Variants in CADM2 observed in about 807,000 individuals in gnomAD.
CADM2 encodes the protein cell adhesion molecule 2.
CADM2 carries 12 observed loss-of-function variants against 49.8 expected under a neutral mutation model. The ratio of observed to expected loss-of-function variants is 0.24; its 90% CI spans 0.15 to 0.39. The LOEUF is 0.39. Ranked by LOEUF, CADM2 falls within the 10% of genes least tolerant of loss-of-function variation. CADM2 has a pLI of 1.00. For synonymous variants in CADM2, 214 were observed against 175.4 expected (o/e 1.22, Z -1.74); for missense variants, 378 against 492.3 (o/e 0.77, Z 2.20).
intron 1 of CADM2, among the ~76,000 whole-genome samples, chr3:85,188,583 T>C (rs1323195049): frequency 1.3e-5 from 2 of 152,144 alleles, no homozygotes; most frequent in Admixed American, 6.6e-5. Flanking sequence ...AAGTTGTTTT[T>C]TTTCATATTT....
At chr3:85,072,516 A>G (rs1265810761) in intron 1 of CADM2, among the ~76,000 whole-genome samples, 1 of 152,112 alleles carries the variant, frequency 6.6e-6, no homozygotes, top group East Asian at 1.9e-4. Flanking sequence ...AGAGGAGGTC[A>G]TGTGCCAAAG....
intron 1 of CADM2, among the ~76,000 whole-genome samples, chr3:85,647,792 C>T (rs896918354): frequency 3.3e-5 from 5 of 151,670 alleles, no homozygotes; most frequent in African/African-American, 7.3e-5. Context: ...TACAAAACCA[C>T]GTAGATATCC....
chr3:85,327,572 ACACACACACACACACAC>A (rs1307562644), intron 1 of CADM2, among the ~76,000 whole-genome samples: 2 of 145,084 alleles, frequency 1.4e-5, no homozygotes, highest in Non-Finnish European at 3.0e-5. Context: ...ACACACACAC[ACACACACACACACACAC>A]CACACACACA....
intron 1 of CADM2, among the ~76,000 whole-genome samples, chr3:85,522,265 T>A (rs1157804407): frequency 6.6e-6 from 1 of 152,146 alleles, no homozygotes; most frequent in African/African-American, 2.4e-5. Context: ...ACATTAATGA[T>A]TAACAATACT....
At chr3:85,004,780 G>A (rs535893467) in intron 1 of CADM2, among the ~76,000 whole-genome samples, 1 of 152,208 alleles carries the variant, frequency 6.6e-6, no homozygotes, top group East Asian at 1.9e-4. Context: ...TAAGTAGTTT[G>A]ATTTTATTTT....
rs1388450127 is a variant in CADM2 at position 85,387,877 on chromosome 3, A to G, written c.62-338645A>G. ...TATAGCACCCAAGTTCTATAGCACC[A>G]TAAAGAATCTAAATATAGTTCCTTT... On this transcript the variant is annotated intron_variant, in intron 1 of 9. Transcript: ENST00000383699. Among the ~76,000 whole-genome samples, 3 of 152,216 alleles carry G rather than the reference A, an allele frequency of 2.0e-5. No homozygotes were observed. In the East Asian group the frequency reaches 5.8e-4, roughly 29 times the overall value.
chr3:85,543,224 A>C (rs2061583790), intron 1 of CADM2, among the ~76,000 whole-genome samples: 1 of 147,126 alleles, frequency 6.8e-6, no homozygotes. Flanking sequence ...AAAGTTCCAC[A>C]ACTCTTTTTA....
chr3:85,152,877 T>A (rs2039972516), intron 1 of CADM2, among the ~76,000 whole-genome samples: 1 of 148,994 alleles, frequency 6.7e-6, no homozygotes, highest in Non-Finnish European at 1.5e-5. Context: ...AGCAGGAGAA[T>A]GGCGTGAACC....
chr3:85,140,244 A>G (rs183146503), intron 1 of CADM2, among the ~76,000 whole-genome samples: 2 of 152,310 alleles, frequency 1.3e-5, no homozygotes, highest in African/African-American at 4.8e-5. Flanking sequence ...AGTTATCCTT[A>G]TCCAGAAAAT....
chr3:85,715,622 A>C (rs1577147610), intron 1 of CADM2, among the ~76,000 whole-genome samples: 1 of 152,120 alleles, frequency 6.6e-6, no homozygotes, highest in East Asian at 1.9e-4. Flanking sequence ...CTTCATCTAC[A>C]TTAGGTATTT....
chr3:85,259,648 A>G (rs991889704), intron 1 of CADM2, among the ~76,000 whole-genome samples: 17 of 152,294 alleles, frequency 1.1e-4, no homozygotes, highest in African/African-American at 3.4e-4. Context: ...TGAGCAATTT[A>G]TACTAGCAAG....
At chr3:85,395,095 G>A (rs1427727273) in intron 1 of CADM2, among the ~76,000 whole-genome samples, 2 of 151,194 alleles carry the variant, frequency 1.3e-5, no homozygotes, top group Non-Finnish European at 2.9e-5. Flanking sequence ...TGCACGCCTG[G>A]GATACATAGG....
intron 1 of CADM2, among the ~76,000 whole-genome samples, chr3:85,313,975 C>G (rs953470236): frequency 6.6e-6 from 1 of 152,152 alleles, no homozygotes; most frequent in Non-Finnish European, 1.5e-5. Context: ...ACTGCAACCT[C>G]CAGCTCCTGG....
In CADM2 at chr3:85,354,768, A is replaced by G. The variant is rs1050968293; in HGVS notation, c.62-371754A>G. On this transcript the variant is annotated intron_variant, in intron 1 of 9. Transcript: ENST00000383699. ...AAGAGTTGCAGCTTACAGGCTGGTT[A>G]TCCCACAGGCTGGGAAGCCTGGGCT... Among the ~76,000 whole-genome samples, 26 of 152,230 alleles carry G rather than the reference A, an allele frequency of 1.7e-4. No individual in the cohort carries two copies. The South Asian group carries it at 5.2e-3, about 30-fold the overall frequency.
At chr3:85,625,420 G>A (rs548168222) in intron 1 of CADM2, among the ~76,000 whole-genome samples, 2 of 152,124 alleles carry the variant, frequency 1.3e-5, no homozygotes, top group East Asian at 3.9e-4. Context: ...CTGTAAGGAT[G>A]CATGCTATTA....
intron 1 of CADM2, among the ~76,000 whole-genome samples, chr3:85,536,127 C>T (rs17457050): frequency 0.51 from 77,877 of 151,798 alleles, 23,043 homozygotes; most frequent in East Asian, 0.85. Context: ...GAAATAAAGT[C>T]ATTGTGTGTT....
intron 3 of CADM2, among the ~76,000 whole-genome samples, chr3:85,841,499 A>G: frequency 6.6e-6 from 1 of 151,998 alleles, no homozygotes; most frequent in Non-Finnish European, 1.5e-5. Context: ...TTGTTAGAGG[A>G]AACTCCCTAT....
chr3:85,160,360 AT>A (rs1399623978), intron 1 of CADM2, among the ~76,000 whole-genome samples: 2 of 152,034 alleles, frequency 1.3e-5, no homozygotes, highest in African/African-American at 2.4e-5. Flanking sequence ...TAAAGTAAGG[AT>A]CAAATTTGAT....
chr3:85,034,085 C>A (rs960976450), intron 1 of CADM2, among the ~76,000 whole-genome samples: 4 of 151,992 alleles, frequency 2.6e-5, no homozygotes, highest in Non-Finnish European at 5.9e-5. Context: ...AATGAAGTGT[C>A]CATCAACTCA....
Sources: gnomAD v4.1 joint callset for allele counts (sites outside exome capture counted in the v4.1 genomes callset) on GRCh38, gnomAD v4.1.1 for gene constraint, MANE v1.5 for transcripts, NCBI Gene and HGNC (gene_info 2026-07-23, HGNC 2026-07-21) for gene names.